Variants in ZNF749 observed in about 807,000 individuals in gnomAD.
ZNF749 encodes zinc finger protein 749.
Under a neutral mutation model 7.3 loss-of-function variants are expected in ZNF749, and 8 were observed. The observed-to-expected ratio is 1.10, with a 90% CI of 0.64 to 1.98. ZNF749 has a LOEUF of 1.98. ZNF749 is among the 30% of genes most tolerant of loss of function. ZNF749 has a pLI of 0.00. For missense variants in ZNF749, 898 were observed against 932.4 expected (o/e 0.96, Z 0.48); for synonymous variants, 310 against 322.4 (o/e 0.96, Z 0.41).
Position 57,443,485 on chromosome 19 carries a change from A to G in ZNF749, c.337A>G (p.Thr113Ala). 6.2e-7 allele frequency: 1 copy of G among 1,614,222 alleles called. No homozygotes were observed. Among genetic ancestry groups the G allele is most frequent in the Non-Finnish European group, 8.5e-7 (1 of 1,179,996 alleles). ...DGTHPEQGLY[T>A]CAAEHDLHQK... is the part of the protein sequence containing the mutation. ...AACACACCCTGAGCAAGGGCTGTAC[A>G]CATGTGCAGCAGAGCATGACCTGCA... Residue 113 changes from threonine (T) to alanine (A), a missense_variant, in exon 3 of 3, where the codon ACA (threonine) becomes GCA (alanine). Thr to Ala is a moderately conservative substitution (Grantham distance 58). Transcript: ENST00000334181.
rs1413370095 is a variant in ZNF749 at position 57,444,422 on chromosome 19, T to C, written c.1274T>C (p.Val425Ala). The change falls in exon 3 of 3, where the codon GTT becomes GCT. Residue 425 changes from valine (V) to alanine (A), a missense_variant. Physicochemically the swap from Val to Ala is moderately conservative, Grantham distance 64 (BLOSUM62 0). Transcript: ENST00000334181. ...CGKAFSLKHN[V>A]VQHLKIHTGE... ...AAAGCCTTTAGCCTCAAACATAATGTTGTTCAGCATCTGAAAATTCATACT... is the reference window on the plus strand; with the variant it reads ...AAAGCCTTTAGCCTCAAACATAATGCTGTTCAGCATCTGAAAATTCATACT... 10 of 1,614,074 alleles carry C rather than the reference T, an allele frequency of 6.2e-6. No homozygotes were observed. The highest frequency in any genetic ancestry group is 7.6e-6 in the Non-Finnish European group (9 of 1,179,924).
intron 1 of ZNF749, among the ~76,000 whole-genome samples, chr19:57,441,290 G>A (rs995184877): frequency 3.3e-5 from 5 of 152,080 alleles, no homozygotes; most frequent in African/African-American, 7.2e-5. Flanking sequence ...CTTGGGAAGT[G>A]GGTGGAGGCT....
chr19:57,435,861 C>A (rs2088930594), intron 1 of ZNF749, among the ~76,000 whole-genome samples: 4 of 152,190 alleles, frequency 2.6e-5, no homozygotes, highest in Admixed American at 2.6e-4. Context: ...GGCGGAGTCT[C>A]CCCTGGAAGG....
At chr19:57,429,708 G>C in the ZNF749 span, among the ~76,000 whole-genome samples, 7,571 of 152,100 alleles carry the variant, frequency 0.05, 572 homozygotes, top group African/African-American at 0.17. The surrounding 1 kb of genome is among the most constrained non-coding windows in gnomAD (Gnocchi z 4.2). Context: ...GAGTGGTGCA[G>C]TGGTGTAATC....
chr19:57,445,413 A>T lies in ZNF749; in HGVS notation c.2265A>T (p.Glu755Asp). The part of the protein sequence containing the change: ...HTGERSYECG[E>D]SSKVFKYNSS... The stretch of plus-strand genomic sequence containing the variant: ...GAGAAAGGTCTTATGAGTGTGGTGA[A>T]TCCAGCAAAGTGTTTAAATACAACT... The change falls in exon 3 of 3, where the codon GAA becomes GAT. Residue 755 changes from glutamate to aspartate, a missense_variant. Physicochemically the swap from Glu to Asp is conservative, Grantham distance 45. Coordinates refer to ENST00000334181, the MANE Select transcript of ZNF749 (RefSeq NM_001023561.4). 1 of 1,614,022 alleles carries T rather than the reference A, an allele frequency of 6.2e-7. No individual in the cohort carries two copies. Among genetic ancestry groups the T allele is most frequent in the Non-Finnish European group, 8.5e-7 (1 of 1,179,884 alleles).
intron 1 of ZNF749, chr19:57,437,897 A>G: frequency 2.5e-6 from 1 of 393,956 alleles, no homozygotes; most frequent in East Asian, 3.6e-5. Context: ...TTTAATCTCC[A>G]TTTTACACAT....
chr19:57,435,251 C>CG (rs759442000), upstream of ZNF749: 2 of 526,338 alleles, frequency 3.8e-6, no homozygotes, highest in East Asian at 3.4e-5. Context: ...GAAGACACTG[C>CG]GGGGGCAGGG....
chr19:57,443,168 A>G (rs1386531540), intron 2 of ZNF749, 123 bp from the exon 3 acceptor site: 1 of 818,756 alleles, frequency 1.2e-6, no homozygotes, highest in Non-Finnish European at 1.9e-6. Flanking sequence ...CACTGGCCTT[A>G]TTTCCTTGCC....
intron 1 of ZNF749, among the ~76,000 whole-genome samples, chr19:57,440,065 T>C (rs543401006): frequency 6.6e-6 from 1 of 152,024 alleles, no homozygotes; most frequent in East Asian, 1.9e-4. Context: ...TATGTGTGTG[T>C]ATGTTTGTGT....
intron 1 of ZNF749, among the ~76,000 whole-genome samples, chr19:57,437,601 G>A (rs946134017): frequency 6.6e-6 from 1 of 151,814 alleles, no homozygotes; most frequent in Non-Finnish European, 1.5e-5. Flanking sequence ...GCGGGCGCCT[G>A]TAATCCCAGC....
At chr19:57,431,170 A>C (rs1245892026), upstream of ZNF749, among the ~76,000 whole-genome samples, 1 of 152,142 alleles carries the variant, frequency 6.6e-6, no homozygotes, top group Non-Finnish European at 1.5e-5. Context: ...CAATGGCTTT[A>C]TTCAAGGAAA....
intron 1 of ZNF749, chr19:57,438,210 G>A (rs1600102329): frequency 1.5e-5 from 6 of 397,548 alleles, no homozygotes; most frequent in South Asian, 1.3e-4. Flanking sequence ...GACAAACTGC[G>A]TCTGCCACCC....
At chr19:57,435,716 C>T (rs775317735) in intron 1 of ZNF749, 123 bp downstream of exon 1, 38 of 1,478,230 alleles carry the variant, frequency 2.6e-5, no homozygotes, top group Non-Finnish European at 3.2e-5. Context: ...GTGGGGTGCC[C>T]GGGACTGGGA....
At chr19:57,435,013 TC>T (rs2088919295), upstream of ZNF749, among the ~76,000 whole-genome samples, 1 of 152,216 alleles carries the variant, frequency 6.6e-6, no homozygotes, top group South Asian at 2.1e-4. Flanking sequence ...CCTAGACTGC[TC>T]TCCGGGAAAA....
upstream of ZNF749, among the ~76,000 whole-genome samples, chr19:57,430,915 C>T (rs1258689145): frequency 1.3e-5 from 2 of 151,972 alleles, no homozygotes; most frequent in Non-Finnish European, 2.9e-5. Context: ...TGGTGCGTGC[C>T]TGTAGTCCCT....
At position 57,444,807 on chromosome 19, in the gene ZNF749, A is replaced by T. The variant is rs1194540821; in HGVS notation, c.1659A>T (p.Pro553=). Residue 553 remains proline (P), a synonymous_variant, in exon 3 of 3, where the codon CCA becomes CCT. Coordinates refer to ENST00000334181, the MANE Select transcript of ZNF749 (RefSeq NM_001023561.4). The part of the protein sequence containing the change: ...LIQHKRIDLR[P]RPYVCSECGK... ...AACACAAGAGGATTGACCTCAGGCC[A>T]AGGCCTTATGTGTGTAGTGAATGTG... is the stretch of plus-strand genomic sequence containing the variant. 4 of 1,614,002 alleles carry T rather than the reference A, an allele frequency of 2.5e-6. No homozygotes were observed. The African/African-American group carries it at 5.3e-5, about 22-fold the overall frequency.
intron 1 of ZNF749, among the ~76,000 whole-genome samples, chr19:57,440,984 G>C (rs2088982224): frequency 6.6e-6 from 1 of 151,884 alleles, no homozygotes; most frequent in South Asian, 2.1e-4. Context: ...AAATTAGCCG[G>C]GAGTGGTGGC....
rs1157608702 is a variant in ZNF749 at position 57,436,034 on chromosome 19, G to A, written c.15+441G>A. Among the ~76,000 whole-genome samples the A allele has an allele frequency of 6.6e-6, 1 of 152,218 alleles. No individual in the cohort carries two copies. Among genetic ancestry groups the A allele is most frequent in the East Asian group, 1.9e-4 (1 of 5,200 alleles). On this transcript the variant is annotated intron_variant, in intron 1 of 2. Coordinates refer to ENST00000334181, the MANE Select transcript of ZNF749 (RefSeq NM_001023561.4). This position sits in a 1 kb window ranked among gnomAD's most constrained non-coding sequence, Gnocchi z 4.0. ...GTTATGGTAGGGCTGGGCCAGAGGG[G>A]TTGCAGTAGAGGGGAGATGTGATGA...
intron 1 of ZNF749, among the ~76,000 whole-genome samples, chr19:57,435,862 C>A: frequency 6.6e-6 from 1 of 152,268 alleles, no homozygotes; most frequent in East Asian, 1.9e-4. Context: ...GCGGAGTCTC[C>A]CCTGGAAGGG....
Sources: allele counts gnomAD v4.1 joint callset (sites outside exome capture counted in the v4.1 genomes callset), GRCh38; gene constraint gnomAD v4.1.1; non-coding constraint Gnocchi (gnomAD v3.1); transcripts MANE v1.5; gene names NCBI Gene and HGNC (gene_info 2026-07-23, HGNC 2026-07-21).